Variants in TAFA1 observed in about 807,000 individuals in gnomAD.
The protein encoded by TAFA1 is chemokine-like protein TAFA-1.
TAFA1 carries 4 observed loss-of-function variants against 18.5 expected under a neutral mutation model. The ratio of observed to expected loss-of-function variants is 0.22; its 90% CI spans 0.11 to 0.49. The LOEUF (loss-of-function observed/expected upper bound fraction) is 0.49. TAFA1 is among the 20% of genes least tolerant of loss of function. TAFA1 has a pLI of 0.98. For missense variants in TAFA1, 147 were observed against 169.0 expected, an observed-to-expected ratio of 0.87 and a Z score of 0.72; for synonymous variants, 56 against 55.2, an observed-to-expected ratio of 1.01 and a Z score of -0.06.
At chr3:68,098,613 C>T (rs141010703) in intron 2 of TAFA1, among the ~76,000 whole-genome samples, 3 of 152,076 alleles carry the variant, frequency 2.0e-5, no homozygotes, top group South Asian at 2.1e-4. Flanking sequence ...TGGGCAGAGA[C>T]GGACTTATGC....
At chr3:68,076,064 A>T (rs1194733098) in intron 2 of TAFA1, among the ~76,000 whole-genome samples, 1 of 152,200 alleles carries the variant, frequency 6.6e-6, no homozygotes, top group Non-Finnish European at 1.5e-5. Context: ...CATCAGCAGA[A>T]TCAAGTGAGC....
intron 2 of TAFA1, among the ~76,000 whole-genome samples, chr3:68,329,211 G>A (rs753556269): frequency 3.6e-5 from 4 of 111,988 alleles, no homozygotes. Flanking sequence ...ACCATGCCTG[G>A]CTGCCTTTTT....
intron 3 of TAFA1, among the ~76,000 whole-genome samples, chr3:68,479,601 ATATATT>A (rs1212209535): frequency 6.6e-6 from 1 of 152,104 alleles, no homozygotes; most frequent in Non-Finnish European, 1.5e-5. Flanking sequence ...ACAATACTTG[ATATATT>A]TATATAACAT....
rs143098740 is a variant in TAFA1 at position 68,022,553 on chromosome 3, G to A, written c.118+15809G>A. Among the ~76,000 whole-genome samples the A allele has an allele frequency of 9.2e-3, 1,397 of 152,128 alleles. 8 individuals are homozygous for A. Among genetic ancestry groups the A allele is most frequent in the Non-Finnish European group, 0.014 (982 of 67,994 alleles). ...AGTGCTTCAAATATCACCTGAAGAA[G>A]TAGGAATGGGTTATGCCAAGAGTAA... On this transcript the variant is annotated intron_variant, in intron 2 of 4. Transcript: ENST00000478136.
intron 2 of TAFA1, among the ~76,000 whole-genome samples, chr3:68,222,947 G>A (rs1353238106): frequency 6.6e-6 from 1 of 152,058 alleles, no homozygotes; most frequent in African/African-American, 2.4e-5. Context: ...TGCTAGTGCT[G>A]GGATTATAGA....
chr3:68,479,241 A>ATATAT lies in TAFA1; in HGVS notation c.260-59515_260-59514insTATAT, dbSNP rs1553695290. ...TGAGACTCCATCTCAAAAAAAAAAA[A>ATATAT]ATATATATATATATATATATATGTC... On this transcript the variant is annotated intron_variant, in intron 3 of 4. Coordinates refer to ENST00000478136, the MANE Select transcript of TAFA1 (RefSeq NM_213609.4). Among the ~76,000 whole-genome samples, 208 of 123,648 alleles carry ATATAT rather than the reference A, an allele frequency of 1.7e-3. 1 individual carries two copies. The highest frequency in any genetic ancestry group is 6.3e-3 in the African/African-American group (176 of 27,748). The allele number at this position is 123,648 out of a possible 152,430, so 81.1% of individuals were successfully genotyped here. A position where few individuals can be genotyped will look rare whatever the true frequency, so the allele number is the denominator to read the frequency against.
intron 2 of TAFA1, among the ~76,000 whole-genome samples, chr3:68,223,811 T>C (rs2066761480): frequency 6.6e-6 from 1 of 152,148 alleles, no homozygotes; most frequent in Non-Finnish European, 1.5e-5. Context: ...TTATTAGCAA[T>C]CTTGGGCTGA....
chr3:68,370,456 G>A (rs1380838842), intron 2 of TAFA1, among the ~76,000 whole-genome samples: 10 of 12,140 alleles, frequency 8.2e-4, no homozygotes, highest in African/African-American at 1.9e-3. Flanking sequence ...GTATATATAT[G>A]TGTGTGTGTG....
At chr3:68,525,063 G>A (rs190697529) in intron 3 of TAFA1, among the ~76,000 whole-genome samples, 2 of 152,282 alleles carry the variant, frequency 1.3e-5, no homozygotes, top group African/African-American at 4.8e-5. Context: ...CAAAAGCGTA[G>A]GGGATGTGCA....
At chr3:68,436,802 A>T (rs540243326) in intron 3 of TAFA1, among the ~76,000 whole-genome samples, 2 of 152,282 alleles carry the variant, frequency 1.3e-5, no homozygotes, top group East Asian at 3.9e-4. Flanking sequence ...GTCACTGGTT[A>T]TGAATAACCC....
At chr3:68,144,422 G>C (rs777500709) in intron 2 of TAFA1, among the ~76,000 whole-genome samples, 2 of 152,174 alleles carry the variant, frequency 1.3e-5, no homozygotes, top group African/African-American at 4.8e-5. Flanking sequence ...TCCTGACTTT[G>C]AGATCTCAGG....
chr3:68,078,174 C>T (rs1165196256), intron 2 of TAFA1, among the ~76,000 whole-genome samples: 1 of 152,236 alleles, frequency 6.6e-6, no homozygotes, highest in East Asian at 1.9e-4. Context: ...TCCTGAGACT[C>T]TGCTGAAGTT....
chr3:68,219,663 C>T (rs2066705813), intron 2 of TAFA1, among the ~76,000 whole-genome samples: 1 of 152,132 alleles, frequency 6.6e-6, no homozygotes, highest in Admixed American at 6.6e-5. Context: ...ACCTTTTAAA[C>T]ATTTCACCTG....
At chr3:68,445,482 T>A (rs577022504) in intron 3 of TAFA1, among the ~76,000 whole-genome samples, 3 of 152,170 alleles carry the variant, frequency 2.0e-5, no homozygotes, top group Non-Finnish European at 4.4e-5. Context: ...CTCTGAAGAA[T>A]TCTCCATAGA....
chr3:68,397,312 G>A (rs1368386450), intron 2 of TAFA1, among the ~76,000 whole-genome samples: 1 of 151,922 alleles, frequency 6.6e-6, no homozygotes, highest in African/African-American at 2.4e-5. Flanking sequence ...CCCTCCCCTT[G>A]CCCCCTACCC....
At chr3:68,307,605 T>C (rs1380110936) in intron 2 of TAFA1, among the ~76,000 whole-genome samples, 1 of 152,248 alleles carries the variant, frequency 6.6e-6, no homozygotes, top group Non-Finnish European at 1.5e-5. Context: ...GCCTCTACTT[T>C]TTTTTGGAAA....
chr3:68,238,854 A>C (rs1271606226), intron 2 of TAFA1, among the ~76,000 whole-genome samples: 1 of 152,146 alleles, frequency 6.6e-6, no homozygotes, highest in Non-Finnish European at 1.5e-5. Context: ...TGAGTATTTA[A>C]ACCCATAGTT....
At chr3:68,197,035 A>T (rs558581708) in intron 2 of TAFA1, among the ~76,000 whole-genome samples, 1 of 151,874 alleles carries the variant, frequency 6.6e-6, no homozygotes, top group African/African-American at 2.4e-5. Flanking sequence ...GAACTCCAAT[A>T]TATTAGATGA....
At chr3:68,294,350 A>G (rs959638868) in intron 2 of TAFA1, among the ~76,000 whole-genome samples, 31 of 151,542 alleles carry the variant, frequency 2.0e-4, no homozygotes, top group East Asian at 6.2e-4. Flanking sequence ...TATATCCCCA[A>G]TATCATTTTA....
Sources: allele counts gnomAD v4.1 joint callset (sites outside exome capture counted in the v4.1 genomes callset), GRCh38; gene constraint gnomAD v4.1.1; transcripts MANE v1.5; gene names NCBI Gene and HGNC (gene_info 2026-07-23, HGNC 2026-07-21).